Variants in FUS observed in about 807,000 individuals in gnomAD.
FUS encodes FUS RNA binding protein, also known as RNA-binding protein FUS.
FUS carries 5 observed loss-of-function variants against 82.7 expected under a neutral mutation model. That is an observed-to-expected ratio of 0.06 (90% CI 0.03 to 0.13). The LOEUF (loss-of-function observed/expected upper bound fraction) is 0.13. FUS is among the 10% of genes least tolerant of loss of function. The probability of loss-of-function intolerance (pLI) is 1.00; values close to 1 mark genes in which losing one functional copy is unlikely to be tolerated. For synonymous variants in FUS, 281 were observed against 247.4 expected, an observed-to-expected ratio of 1.14 and a Z score of -1.27; for missense variants, 512 against 707.8, an observed-to-expected ratio of 0.72 and a Z score of 3.14.
chr16:31,191,395 G>A lies in FUS; in HGVS notation c.1542-4G>A, dbSNP rs77839730. On this transcript the variant is annotated splice_polypyrimidine_tract_variant and splice_region_variant and intron_variant, in intron 14 of 14. Transcript: ENST00000254108. ...ATACTTAATTTTTTTTTTTTTTTTT[G>A]CAGGGGTGAGCACAGACAGGATCGC... 6.4e-6 allele frequency: 9 copies of A among 1,415,498 alleles called. No individual in the cohort carries two copies. The African/African-American group carries it at 1.6e-4, about 24-fold the overall frequency. 87.7% of individuals were successfully genotyped at this position (1,415,498 alleles called of 1,614,324 possible). A position where few individuals can be genotyped will look rare whatever the true frequency, so the allele number is the denominator to read the frequency against.
downstream of FUS, chr16:31,194,543 T>G (rs183045547): frequency 2.0e-6 from 1 of 499,936 alleles, no homozygotes; most frequent in Admixed American, 2.3e-5. Flanking sequence ...TGGGCTCAAG[T>G]GATTGTCCCA....
chr16:31,184,261 T>C lies in FUS; in HGVS notation c.388T>C (p.Tyr130His). ...SSYGQPQSGS[Y>H]SQQPSYGGQQ... ...CTATGGGCAGCCCCAGAGTGGGAGC[T>C]ACAGCCAGCAGCCTAGCTATGGTGG... Residue 130 changes from tyrosine to histidine, a missense_variant, in exon 5 of 15, where the codon TAC becomes CAC. Tyr to His is a moderately conservative substitution (Grantham distance 83). Around this residue, in one of 6 missense-constraint regions of FUS, gnomAD observed 276 missense variants for 303.3 expected, o/e 0.91. Transcript: ENST00000254108. 6.2e-7 allele frequency: 1 copy of C among 1,614,024 alleles called. No individual in the cohort carries two copies. Among genetic ancestry groups the C allele is most frequent in the Non-Finnish European group, 8.5e-7 (1 of 1,179,986 alleles).
rs72550862 is a variant in FUS at position 31,189,094 on chromosome 16, C to T, written c.833-29C>T. 18,116 of 1,533,750 alleles carry T rather than the reference C, an allele frequency of 0.012. 140 individuals are homozygous for T. Among genetic ancestry groups the T allele is most frequent in the Non-Finnish European group, 0.013 (14,602 of 1,106,824 alleles). On this transcript the variant is annotated intron_variant, in intron 8 of 14. Transcript: ENST00000254108. The stretch of plus-strand genomic sequence containing the variant: ...CTGTGTTTTTTATTTTACCTTTTCA[C>T]ATTTGCATTTTCTCTGTTCAACAAG...
Position 31,184,189 on chromosome 16 carries a change from T to G in FUS, c.336-20T>G, listed in dbSNP as rs1192830074. ...GGCTATGCTGGGATTGTGATTGTGT[T>G]TTTTGTTTGTTTTCCCTAGTTACGG... is the stretch of plus-strand genomic sequence containing the variant. On this transcript the variant is annotated intron_variant, in intron 4 of 14. Coordinates refer to ENST00000254108, the MANE Select transcript of FUS (RefSeq NM_004960.4). The G allele has an allele frequency of 1.9e-6, 3 of 1,613,274 alleles. No homozygotes were observed. The South Asian group carries it at 3.3e-5, about 18-fold the overall frequency.
chr16:31,183,708 G>C (rs182477113), intron 3 of FUS, 150 bp from the exon 4 acceptor site: 2 of 909,602 alleles, frequency 2.2e-6, no homozygotes, highest in East Asian at 4.9e-5. Flanking sequence ...TTGAAAGGAG[G>C]GTAACTATCT....
intron 6 of FUS, 189 bp from the exon 7 acceptor site, chr16:31,186,613 T>C: frequency 3.2e-6 from 2 of 633,570 alleles, no homozygotes; most frequent in South Asian, 3.6e-5. Context: ...TCTGAGAAAT[T>C]GCACACGTGT....
intron 7 of FUS, chr16:31,187,994 G>A: frequency 2.4e-6 from 1 of 415,252 alleles, no homozygotes; most frequent in South Asian, 2.9e-5. Context: ...AGCTGAGTTG[G>A]TTTGTTCACT....
In FUS at chr16:31,185,013, AGTG is replaced by A. The variant is rs1194663767; in HGVS notation, c.603_605del (p.Gly204del). The A allele has an allele frequency of 1.9e-6, 3 of 1,613,216 alleles. No individual in the cohort carries two copies. Among genetic ancestry groups the A allele is most frequent in the Non-Finnish European group, 2.5e-6 (3 of 1,179,734 alleles). On this transcript the variant is annotated inframe_deletion, in exon 6 of 15. Coordinates refer to ENST00000254108, the MANE Select transcript of FUS (RefSeq NM_004960.4). Reference sequence around the variant, plus strand: ...TGGCGGTTATGGCAATCAAGACCAGAGTGGTGGAGGTGGCAGCGGTGGCTATGG... The same window carrying A: ...TGGCGGTTATGGCAATCAAGACCAGAGTGGAGGTGGCAGCGGTGGCTATGG...
chr16:31,186,174 G>A (rs2079266980), intron 6 of FUS: 1 of 241,752 alleles, frequency 4.1e-6, no homozygotes, highest in Non-Finnish European at 8.2e-6. Context: ...TGCATTTTAT[G>A]TGCCACAGGT....
At chr16:31,187,176 T>C (rs1372918305) in intron 7 of FUS, 9 of 422,886 alleles carry the variant, frequency 2.1e-5, no homozygotes, top group African/African-American at 1.7e-4. Context: ...TGGTGCCATC[T>C]TGGCTTTAGG....
At chr16:31,189,899 T>G in intron 10 of FUS, 105 bp downstream of exon 10, 3 of 1,597,214 alleles carry the variant, frequency 1.9e-6, no homozygotes, top group Non-Finnish European at 2.6e-6. Flanking sequence ...CAACACTTAC[T>G]TTAGCTGCGG....
In FUS at chr16:31,189,136, AG is replaced by A; in HGVS notation, c.847del (p.Asp283ThrfsTer39). The A allele has an allele frequency of 6.2e-7, 1 of 1,613,444 alleles. No homozygotes were observed. Among genetic ancestry groups the A allele is most frequent in the Non-Finnish European group, 8.5e-7 (1 of 1,179,360 alleles). On this transcript the variant is annotated frameshift_variant, in exon 9 of 15. Transcript: ENST00000254108. LOFTEE classifies it high-confidence loss of function. ...TTCAACAAGCAGAACAGGATAATTCAGACAACAACACCATCTTTGTGCAAGG... is the reference window on the plus strand; with the variant it reads ...TTCAACAAGCAGAACAGGATAATTCAACAACAACACCATCTTTGTGCAAGG... ...SRHDSEQDNS[D>X]NNTIFVQGLG...
rs529006744 is a variant in FUS, at chr16:31,186,786, A to G, written c.765-16A>G. 1 of 1,613,788 alleles carries G rather than the reference A, an allele frequency of 6.2e-7. No homozygotes were observed. The highest frequency in any genetic ancestry group is 8.5e-7 in the Non-Finnish European group (1 of 1,179,620). ...TTGGAAGCTTCATGTCCTTTCTTCTAACTTGTCTTCTCCAGCGGAAGTGAC... is the reference window on the plus strand; with the variant it reads ...TTGGAAGCTTCATGTCCTTTCTTCTGACTTGTCTTCTCCAGCGGAAGTGAC... On this transcript the variant is annotated splice_polypyrimidine_tract_variant and intron_variant, in intron 6 of 14. Transcript: ENST00000254108.
intron 10 of FUS, 59 bp from the exon 11 acceptor site, chr16:31,189,981 T>C (rs2079328919): frequency 6.4e-7 from 1 of 1,565,784 alleles, no homozygotes; most frequent in Non-Finnish European, 8.7e-7. Flanking sequence ...GCTTCTCTTG[T>C]ATTTTCGGAT....
intron 10 of FUS, 67 bp downstream of exon 10, chr16:31,189,861 CAT>C: frequency 6.2e-7 from 1 of 1,612,052 alleles, no homozygotes; most frequent in Non-Finnish European, 8.5e-7. Context: ...GGAAACAAGC[CAT>C]AGTTTGAGGG....
chr16:31,180,317 T>TCCCGTGTGGGATTTTTTGGCG, intron 1 of FUS, 90 bp downstream of exon 1: 3 of 1,510,178 alleles, frequency 2.0e-6, no homozygotes, highest in Non-Finnish European at 2.7e-6. Context: ...GGGGCGGCGA[T>TCCCGTGTGGGATTTTTTGGCG]CCCGTGTGGG....
chr16:31,192,170 TG>T, downstream of FUS: 1 of 528,888 alleles, frequency 1.9e-6, no homozygotes, highest in East Asian at 4.0e-5. Context: ...CTGGTCTGGC[TG>T]GGTTACTTTC....
intron 7 of FUS, chr16:31,187,815 G>A (rs1334425255): frequency 4.2e-6 from 1 of 240,436 alleles, no homozygotes; most frequent in Admixed American, 5.2e-5. Flanking sequence ...ATTTTCATGT[G>A]GTTTCGGGGA....
In FUS at chr16:31,184,992, G is replaced by A. The variant is rs1436552220; in HGVS notation, c.577G>A (p.Gly193Ser). ...GAGTAGTGGTGGTGGCAGTGGTGGC[G>A]GTTATGGCAATCAAGACCAGAGTGG... is the stretch of plus-strand genomic sequence containing the variant. ...SMSSGGGSGGGYGNQDQSGGG... is the reference protein window; with the variant it reads ...SMSSGGGSGGSYGNQDQSGGG... Residue 193 changes from glycine (G) to serine (S), a missense_variant, in exon 6 of 15, where the codon GGT (glycine) becomes AGT (serine). Physicochemically the swap from Gly to Ser is moderately conservative, Grantham distance 56 (BLOSUM62 0). Around this residue, in one of 6 missense-constraint regions of FUS, gnomAD observed 276 missense variants for 303.3 expected, o/e 0.91. Coordinates refer to ENST00000254108, the MANE Select transcript of FUS (RefSeq NM_004960.4). 1.9e-6 allele frequency: 3 copies of A among 1,613,726 alleles called. No homozygotes were observed. Among genetic ancestry groups the A allele is most frequent in the Admixed American group, 1.7e-5 (1 of 59,968 alleles).
Sources: gnomAD v4.1 joint callset for allele counts on GRCh38, gnomAD v4.1.1 for gene constraint, gnomAD v4.1.1 regional missense constraint, MANE v1.5 for transcripts, NCBI Gene and HGNC (gene_info 2026-07-23, HGNC 2026-07-21) for gene names.